AGTPBP1: variants seen among roughly 807,000 people sequenced by gnomAD.
AGTPBP1 encodes ATP/GTP binding carboxypeptidase 1.
In AGTPBP1, 70 loss-of-function variants were observed where a neutral mutation model predicts 143.9. The observed-to-expected ratio is 0.49, with a 90% CI of 0.40 to 0.59. The LOEUF is 0.59. AGTPBP1 is among the 20% of genes least tolerant of loss of function. The pLI is 0.00. For synonymous variants in AGTPBP1, 463 were observed against 500.2 expected (o/e 0.93, Z 0.99); for missense variants, 1,229 against 1,464.5 (o/e 0.84, Z 2.62).
chr9:85,791,588 T>C, the AGTPBP1 span: 5 of 152,044 alleles, frequency 3.3e-5, no homozygotes, highest in Non-Finnish European at 5.9e-5. Flanking sequence ...AAGCATTCCA[T>C]AGACAAGCAA....
At chr9:85,595,518 T>C (rs527796977) in intron 18 of AGTPBP1, among the ~76,000 whole-genome samples, 1 of 152,246 alleles carries the variant, frequency 6.6e-6, no homozygotes, top group African/African-American at 2.4e-5. Context: ...TTCTAGCACT[T>C]ATTTATTTTA....
At chr9:85,562,844 T>G (rs28495194) in intron 25 of AGTPBP1, among the ~76,000 whole-genome samples, 2 of 152,156 alleles carry the variant, frequency 1.3e-5, no homozygotes, top group South Asian at 4.1e-4. Flanking sequence ...CCAATTCATA[T>G]GTTGAAATCC....
intron 3 of AGTPBP1, among the ~76,000 whole-genome samples, chr9:85,685,828 C>T (rs1475304368): frequency 6.6e-6 from 1 of 151,956 alleles, no homozygotes. Flanking sequence ...ATGACAATCA[C>T]AGCTGAAGAA....
intron 14 of AGTPBP1, among the ~76,000 whole-genome samples, chr9:85,624,600 C>A (rs1587763162): frequency 6.6e-6 from 1 of 152,104 alleles, no homozygotes; most frequent in South Asian, 2.1e-4. Context: ...CTGTGTTTTC[C>A]AAGCCATTCT....
chr9:85,615,508 T>C (rs952961682), intron 17 of AGTPBP1, among the ~76,000 whole-genome samples: 27 of 152,104 alleles, frequency 1.8e-4, no homozygotes, highest in African/African-American at 6.0e-4. Flanking sequence ...TAATATTTAA[T>C]GGGCATGGGG....
intron 9 of AGTPBP1, among the ~76,000 whole-genome samples, chr9:85,659,558 G>A (rs1265449232): frequency 6.6e-6 from 1 of 151,718 alleles, no homozygotes; most frequent in Non-Finnish European, 1.5e-5. Context: ...ACCCTCATTT[G>A]AAAAAGAAGG....
chr9:85,787,499 C>G, the AGTPBP1 span, among the ~76,000 whole-genome samples: 4 of 152,130 alleles, frequency 2.6e-5, no homozygotes, highest in Non-Finnish European at 5.9e-5. Flanking sequence ...GCTTTGCACA[C>G]TGGCCAAACT....
At chr9:85,550,981 G>A (rs778323495) in intron 25 of AGTPBP1, among the ~76,000 whole-genome samples, 4 of 152,160 alleles carry the variant, frequency 2.6e-5, no homozygotes. Flanking sequence ...GGTCATGAAT[G>A]GCTTGGTGTC....
chr9:85,765,800 G>T, the AGTPBP1 span, among the ~76,000 whole-genome samples: 1 of 152,204 alleles, frequency 6.6e-6, no homozygotes, highest in African/African-American at 2.4e-5. Context: ...AGGAAGTTAT[G>T]AGGGCTAGTT....
chr9:85,692,125 T>C (rs1003611197), intron 3 of AGTPBP1, among the ~76,000 whole-genome samples: 1 of 152,136 alleles, frequency 6.6e-6, no homozygotes, highest in Non-Finnish European at 1.5e-5. Context: ...CTATATCAAG[T>C]AGCACTGGAA....
intron 17 of AGTPBP1, among the ~76,000 whole-genome samples, chr9:85,596,696 T>G (rs1324030675): frequency 6.6e-6 from 1 of 152,182 alleles, no homozygotes; most frequent in East Asian, 1.9e-4. Context: ...AACTCTTTTC[T>G]ATTAAACTTT....
upstream of AGTPBP1, among the ~76,000 whole-genome samples, chr9:85,745,505 AG>A (rs1490018853): frequency 1.3e-5 from 2 of 152,238 alleles, no homozygotes; most frequent in Non-Finnish European, 2.9e-5. Flanking sequence ...TCAAACTAAA[AG>A]GTTTACCACA....
At chr9:85,647,734 G>C (rs995875783) in intron 11 of AGTPBP1, among the ~76,000 whole-genome samples, 2 of 152,166 alleles carry the variant, frequency 1.3e-5, no homozygotes, top group Non-Finnish European at 2.9e-5. Context: ...TGAATGTAAT[G>C]GTGGGTGAGT....
Position 85,651,045 on chromosome 9 carries a change from C to T in AGTPBP1, c.1087+4098G>A, listed in dbSNP as rs117541635. On this transcript the variant is annotated intron_variant, in intron 11 of 25. Coordinates refer to ENST00000357081, the MANE Select transcript of AGTPBP1 (RefSeq NM_001330701.2). ...AGAGACTTCATATGTACCAGCTAGT[C>T]GGATTTTGTTTTTTAACCCAATCTG... Among the ~76,000 whole-genome samples the T allele has an allele frequency of 3.9e-3, 601 of 152,204 alleles. 4 individuals carry two copies. Among genetic ancestry groups the T allele is most frequent in the Non-Finnish European group, 6.9e-3 (469 of 68,002 alleles).
chr9:85,681,301 A>T lies in AGTPBP1; in HGVS notation c.192T>A (p.Ser64=). 1 of 1,612,720 alleles carries T rather than the reference A, an allele frequency of 6.2e-7. No individual in the cohort carries two copies. Among genetic ancestry groups the T allele is most frequent in the Non-Finnish European group, 8.5e-7 (1 of 1,179,742 alleles). Residue 64 remains serine (S), a synonymous_variant, in exon 4 of 26, where the codon TCT becomes TCA. Coordinates refer to ENST00000357081, the MANE Select transcript of AGTPBP1 (RefSeq NM_001330701.2). ...TTGACAGCAGAATTTCCATTCCTGTAGAACCTTTGGCTGTCATTTCTCTCC... is the reference window on the plus strand; with the variant it reads ...TTGACAGCAGAATTTCCATTCCTGTTGAACCTTTGGCTGTCATTTCTCTCC... ...KTRREMTAKG[S]TGMEILLSTL... is the part of the protein sequence containing the mutation.
chr9:85,681,165 G>A (rs1392897152), intron 4 of AGTPBP1, 103 bp downstream of exon 4: 1 of 1,009,318 alleles, frequency 9.9e-7, no homozygotes, highest in Non-Finnish European at 1.5e-6. Flanking sequence ...ATATGTACGT[G>A]TGTATGTGTT....
At chr9:85,698,086 GTCA>G (rs1439781174) in intron 2 of AGTPBP1, among the ~76,000 whole-genome samples, 3 of 151,434 alleles carry the variant, frequency 2.0e-5, no homozygotes, top group African/African-American at 2.4e-5. Context: ...CTTTTAAAAG[GTCA>G]TCTTTTTTTT....
At chr9:85,678,487 A>G in intron 4 of AGTPBP1, 89 bp from the exon 5 acceptor site, 1 of 742,100 alleles carries the variant, frequency 1.3e-6, no homozygotes. Flanking sequence ...TATTTTACAA[A>G]TGACCTTTCC....
chr9:85,725,491 G>C (rs1347764656), intron 1 of AGTPBP1, among the ~76,000 whole-genome samples: 1 of 151,812 alleles, frequency 6.6e-6, no homozygotes, highest in African/African-American at 2.4e-5. Context: ...GATGGTAGGG[G>C]GCTAATGAAC....
Sources: allele counts gnomAD v4.1 joint callset (sites outside exome capture counted in the v4.1 genomes callset), GRCh38; gene constraint gnomAD v4.1.1; transcripts MANE v1.5; gene names NCBI Gene and HGNC (gene_info 2026-07-23, HGNC 2026-07-21).